The following MAGI2 variants were observed in gnomAD, a reference collection of about 807,000 sequenced individuals.
MAGI2 encodes membrane associated guanylate kinase, WW and PDZ domain containing 2.
Under a neutral mutation model 133.3 loss-of-function variants are expected in MAGI2, and 35 were observed. That is an observed-to-expected ratio of 0.26 (90% CI 0.20 to 0.35). MAGI2 has a LOEUF of 0.35. MAGI2 is among the 10% of genes least tolerant of loss of function. The pLI, the probability that MAGI2 is intolerant of heterozygous loss-of-function variation, is 1.00. For synonymous variants in MAGI2, 729 were observed against 710.6 expected (o/e 1.03, Z -0.41); for missense variants, 1,636 against 1,863.4 (o/e 0.88, Z 2.25).
At chr7:78,463,165 T>C (rs1790245099) in intron 6 of MAGI2, among the ~76,000 whole-genome samples, 1 of 152,222 alleles carries the variant, frequency 6.6e-6, no homozygotes, top group South Asian at 2.1e-4. Flanking sequence ...AGAGCATCTA[T>C]ATCCAAAAAG....
chr7:78,655,115 C>G (rs921944415), intron 2 of MAGI2, among the ~76,000 whole-genome samples: 3 of 151,722 alleles, frequency 2.0e-5, no homozygotes, highest in African/African-American at 7.3e-5. Flanking sequence ...TATACCTACT[C>G]TGTGCCCACA....
intron 1 of MAGI2, among the ~76,000 whole-genome samples, chr7:79,213,325 T>TACACACAC (rs146529788): frequency 1.0e-4 from 15 of 145,468 alleles, no homozygotes; most frequent in African/African-American, 2.6e-4. Flanking sequence ...CGTACACACG[T>TACACACAC]ACACACACAC....
intron 1 of MAGI2, among the ~76,000 whole-genome samples, chr7:79,027,793 G>C (rs1222754863): frequency 6.6e-6 from 1 of 151,914 alleles, no homozygotes; most frequent in African/African-American, 2.4e-5. Flanking sequence ...TAAATGTATA[G>C]AATTATAAGT....
At chr7:78,667,380 A>AT (rs957840958) in intron 2 of MAGI2, among the ~76,000 whole-genome samples, 72 of 148,150 alleles carry the variant, frequency 4.9e-4, no homozygotes, top group African/African-American at 1.5e-3. Flanking sequence ...TTTTTTTTTA[A>AT]TTTTTTAAAA....
At chr7:79,423,124 C>T (rs1204875761) in intron 1 of MAGI2, among the ~76,000 whole-genome samples, 1 of 152,048 alleles carries the variant, frequency 6.6e-6, no homozygotes, top group Non-Finnish European at 1.5e-5. Context: ...TTATAGCACT[C>T]TCCTAGAACC....
chr7:78,478,688 TTC>T lies in MAGI2; in HGVS notation c.1045+11071_1045+11072del, dbSNP rs199850332. ...ATACAGCTAAATACCCTGGAAACAATTCAACAGACATTCACAAAAGACCCTGA... is the reference window on the plus strand; with the variant it reads ...ATACAGCTAAATACCCTGGAAACAATAACAGACATTCACAAAAGACCCTGA... On this transcript the variant is annotated intron_variant, in intron 6 of 21. Transcript: ENST00000354212. Among the ~76,000 whole-genome samples the T allele has an allele frequency of 1.6e-3, 244 of 151,952 alleles. 1 individual carries two copies. The highest frequency in any genetic ancestry group is 5.5e-3 in the African/African-American group (230 of 41,482).
At chr7:78,177,406 C>A (rs1422112107) in intron 14 of MAGI2, among the ~76,000 whole-genome samples, 2 of 145,586 alleles carry the variant, frequency 1.4e-5, no homozygotes, top group African/African-American at 5.1e-5. Context: ...TTATGTTTCA[C>A]TGTGAATACG....
chr7:78,624,798 C>T (rs969206588), intron 3 of MAGI2, among the ~76,000 whole-genome samples: 8 of 152,096 alleles, frequency 5.3e-5, no homozygotes, highest in African/African-American at 1.9e-4. Flanking sequence ...AAGTATAGCA[C>T]ATACGGTTAT....
chr7:79,230,510 T>A (rs1457969265), intron 1 of MAGI2, among the ~76,000 whole-genome samples: 1 of 151,868 alleles, frequency 6.6e-6, no homozygotes, highest in East Asian at 1.9e-4. Context: ...GGTATCTCAT[T>A]GTGGTTTTGA....
chr7:78,030,484 T>TCCAA lies in MAGI2; in HGVS notation c.3707-10509_3707-10508insTTGG, dbSNP rs1259129847. 7.9e-5 allele frequency among the ~76,000 whole-genome samples: 12 copies of TCCAA among 152,280 alleles called. No homozygotes were observed. The East Asian group carries it at 2.3e-3, about 29-fold the overall frequency. On this transcript the variant is annotated intron_variant, in intron 21 of 21. Coordinates refer to ENST00000354212, the MANE Select transcript of MAGI2 (RefSeq NM_012301.4). ...GTTGGCCAGGATGGTCTTGATCTCT[T>TCCAA]GACCTTATGATCCACCCACCTTGGC...
intron 1 of MAGI2, among the ~76,000 whole-genome samples, chr7:79,325,525 T>C (rs1179613538): frequency 2.0e-5 from 3 of 152,110 alleles, no homozygotes; most frequent in African/African-American, 7.2e-5. Flanking sequence ...GTGCAAAGCA[T>C]GAGAGATAGG....
chr7:79,224,001 T>C (rs953849955), intron 1 of MAGI2, among the ~76,000 whole-genome samples: 1 of 152,098 alleles, frequency 6.6e-6, no homozygotes, highest in African/African-American at 2.4e-5. Flanking sequence ...ATTTAATTCT[T>C]CTGAAGTGTT....
intron 2 of MAGI2, among the ~76,000 whole-genome samples, chr7:78,767,749 T>C (rs1825175586): frequency 6.6e-6 from 1 of 152,222 alleles, no homozygotes; most frequent in Non-Finnish European, 1.5e-5. Context: ...TTTTATCAAG[T>C]TTTCCTTTAC....
chr7:78,119,773 T>C (rs1040442121), intron 20 of MAGI2, among the ~76,000 whole-genome samples: 1 of 152,072 alleles, frequency 6.6e-6, no homozygotes, highest in Admixed American at 6.6e-5. Context: ...AATTTTGCTG[T>C]GACCCTAAAA....
At chr7:78,271,692 T>C (rs1794597834) in intron 9 of MAGI2, among the ~76,000 whole-genome samples, 1 of 152,210 alleles carries the variant, frequency 6.6e-6, no homozygotes, top group South Asian at 2.1e-4. Context: ...GGATGGTGTA[T>C]GTGTCCAGGA....
intron 2 of MAGI2, among the ~76,000 whole-genome samples, chr7:78,730,488 T>C (rs1360699014): frequency 1.3e-5 from 2 of 152,080 alleles, no homozygotes; most frequent in Non-Finnish European, 2.9e-5. Flanking sequence ...TCTTTATTGA[T>C]TATTCATTAA....
chr7:78,861,443 T>A, intron 2 of MAGI2, among the ~76,000 whole-genome samples: 1 of 152,346 alleles, frequency 6.6e-6, no homozygotes, highest in Middle Eastern at 3.4e-3. Context: ...TCTTCTCACT[T>A]ACTCTTCTTC....
At chr7:79,213,325 TACACACACACAC>T (rs146529788) in intron 1 of MAGI2, among the ~76,000 whole-genome samples, 1 of 145,398 alleles carries the variant, frequency 6.9e-6, no homozygotes, top group Non-Finnish European at 1.5e-5. Flanking sequence ...CGTACACACG[TACACACACACAC>T]ACACACACAC....
chr7:78,662,413 C>T lies in MAGI2; in HGVS notation c.419-35174G>A, dbSNP rs532280655. 1.5e-4 allele frequency among the ~76,000 whole-genome samples: 23 copies of T among 152,264 alleles called. No individual in the cohort carries two copies. The South Asian group carries it at 2.5e-3, about 16-fold the overall frequency. On this transcript the variant is annotated intron_variant, in intron 2 of 21. Transcript: ENST00000354212. ...ATACTTTAGTTACCAACAATCGAAA[C>T]ACTAGCACTTCCTTAAGGTCTATAT...
Sources: gnomAD v4.1 joint callset for allele counts (sites outside exome capture counted in the v4.1 genomes callset) on GRCh38, gnomAD v4.1.1 for gene constraint, MANE v1.5 for transcripts, NCBI Gene and HGNC (gene_info 2026-07-23, HGNC 2026-07-21) for gene names.